PPP1R12A: variants seen among roughly 807,000 people sequenced by gnomAD.
PPP1R12A encodes protein phosphatase 1 regulatory subunit 12A, also known as myosin binding subunit.
Under a neutral mutation model 139.6 loss-of-function variants are expected in PPP1R12A, and 19 were observed. That is an observed-to-expected ratio of 0.14 (90% CI 0.09 to 0.20). The LOEUF (loss-of-function observed/expected upper bound fraction) is 0.20. PPP1R12A is among the 10% of genes least tolerant of loss of function. The pLI is 1.00. For missense variants in PPP1R12A, 925 were observed against 1,211.5 expected (o/e 0.76, Z 3.51); for synonymous variants, 427 against 420.6 (o/e 1.02, Z -0.19).
At chr12:79,826,024 A>C (rs1876713521) in intron 5 of PPP1R12A, among the ~76,000 whole-genome samples, 1 of 152,054 alleles carries the variant, frequency 6.6e-6, no homozygotes, top group South Asian at 2.1e-4. Flanking sequence ...CACTATAAAA[A>C]GCAGTCTTTA....
At chr12:79,856,787 G>C (rs1880708161) in intron 2 of PPP1R12A, among the ~76,000 whole-genome samples, 1 of 152,166 alleles carries the variant, frequency 6.6e-6, no homozygotes, top group African/African-American at 2.4e-5. Flanking sequence ...CATATGACAG[G>C]CATTAACAGG....
At position 79,821,138 on chromosome 12, in the gene PPP1R12A, G is replaced by T. The variant is rs1340622310; in HGVS notation, c.896C>A (p.Ser299Tyr). 1.2e-6 allele frequency: 2 copies of T among 1,613,122 alleles called. No individual in the cohort carries two copies. Among genetic ancestry groups the T allele is most frequent in the East Asian group, 4.5e-5 (2 of 44,796 alleles). Residue 299 changes from serine to tyrosine, a missense_variant, in exon 7 of 25, where the codon TCT becomes TAT. Transcript: ENST00000450142. ...LLHSEKRDKK[S>Y]PLIESTANMD... ...ATTTGCTGTTGATTCAATTAGTGGAGATTTCTTGTCCCGTTTTTCACTATG... is the reference window on the plus strand; with the variant it reads ...ATTTGCTGTTGATTCAATTAGTGGATATTTCTTGTCCCGTTTTTCACTATG...
intron 1 of PPP1R12A, among the ~76,000 whole-genome samples, chr12:79,887,863 GTTAA>G (rs751400704): frequency 6.6e-6 from 1 of 152,064 alleles, no homozygotes; most frequent in Non-Finnish European, 1.5e-5. Flanking sequence ...ACACCAAAGC[GTTAA>G]TTAACACTTT....
chr12:79,922,860 A>T (rs1887547066), intron 1 of PPP1R12A, among the ~76,000 whole-genome samples: 2 of 152,364 alleles, frequency 1.3e-5, no homozygotes, highest in African/African-American at 2.4e-5. Context: ...AAAATTTTTT[A>T]AAAAGTATTT....
chr12:79,916,323 T>G (rs1325013998), intron 1 of PPP1R12A, among the ~76,000 whole-genome samples: 1 of 152,188 alleles, frequency 6.6e-6, no homozygotes, highest in African/African-American at 2.4e-5. Flanking sequence ...AAAATTCACG[T>G]AACTATGGGC....
intron 21 of PPP1R12A, 97 bp downstream of exon 21, chr12:79,788,551 A>G: frequency 8.5e-7 from 1 of 1,172,268 alleles, no homozygotes; most frequent in Non-Finnish European, 1.2e-6. Flanking sequence ...TTATTTCAAA[A>G]TACTCATTTC....
At chr12:79,821,539 G>T (rs1307608458) in intron 6 of PPP1R12A, among the ~76,000 whole-genome samples, 2 of 152,128 alleles carry the variant, frequency 1.3e-5, no homozygotes, top group African/African-American at 4.8e-5. Flanking sequence ...GACTGCCTGA[G>T]CTCAGGAGTT....
chr12:79,857,940 A>C (rs1880877953), intron 2 of PPP1R12A, among the ~76,000 whole-genome samples: 1 of 152,218 alleles, frequency 6.6e-6, no homozygotes, highest in East Asian at 1.9e-4. Context: ...CCAAGTAAGA[A>C]TGTATATGGG....
intron 22 of PPP1R12A, among the ~76,000 whole-genome samples, chr12:79,784,085 A>ACTGCCACTGCTAT: frequency 6.6e-6 from 1 of 152,130 alleles, no homozygotes; most frequent in East Asian, 1.9e-4. Flanking sequence ...AACTATCAAA[A>ACTGCCACTGCTAT]CTGCCACTGC....
chr12:79,811,693 T>C (rs537626024), intron 9 of PPP1R12A, among the ~76,000 whole-genome samples: 175 of 152,328 alleles, frequency 1.1e-3, no homozygotes, highest in African/African-American at 3.2e-3. Context: ...ACACAAATGA[T>C]TGAGTGTGGC....
intron 2 of PPP1R12A, among the ~76,000 whole-genome samples, chr12:79,845,652 C>A (rs953741754): frequency 1.3e-5 from 2 of 152,034 alleles, no homozygotes; most frequent in African/African-American, 4.8e-5. Context: ...CATCCTAACA[C>A]GGTGAAACCC....
intron 22 of PPP1R12A, chr12:79,782,702 T>A: frequency 3.0e-6 from 1 of 331,292 alleles, no homozygotes; most frequent in Middle Eastern, 4.4e-4. Flanking sequence ...TGTACAAACA[T>A]CTCCCTTGGA....
chr12:79,876,743 T>C (rs1187541312), intron 1 of PPP1R12A, among the ~76,000 whole-genome samples: 2 of 152,120 alleles, frequency 1.3e-5, no homozygotes, highest in Non-Finnish European at 1.5e-5. Flanking sequence ...AAAAGCACTA[T>C]ACAGTGTACC....
In PPP1R12A at chr12:79,872,801, G is replaced by A. The variant is rs1292052164; in HGVS notation, c.368+7C>T. The A allele has an allele frequency of 6.2e-6, 10 of 1,612,824 alleles. No individual in the cohort carries two copies. Among genetic ancestry groups the A allele is most frequent in the Non-Finnish European group, 8.5e-6 (10 of 1,179,378 alleles). On this transcript the variant is annotated splice_region_variant and intron_variant, in intron 2 of 24. Coordinates refer to ENST00000450142, the MANE Select transcript of PPP1R12A (RefSeq NM_002480.3). ...TAGAATAAAATGAAAACACAGAACT[G>A]GCTTACTCTGCAATATCAAGATATC...
At chr12:79,781,075 C>T (rs190068183) in intron 23 of PPP1R12A, among the ~76,000 whole-genome samples, 24 of 152,300 alleles carry the variant, frequency 1.6e-4, no homozygotes, top group Admixed American at 2.6e-4. Context: ...CCAAGTCTAG[C>T]TACTGCTCAG....
chr12:79,806,332 A>ATATG lies in PPP1R12A; in HGVS notation c.1656_1657insCATA (p.Cys553HisfsTer6), dbSNP rs1188527945. 3 of 1,612,588 alleles carry ATATG rather than the reference A, an allele frequency of 1.9e-6. No individual in the cohort carries two copies. The highest frequency in any genetic ancestry group is 3.3e-5 in the Admixed American group (2 of 59,974). On this transcript the variant is annotated frameshift_variant and splice_region_variant, in exon 13 of 25. Transcript: ENST00000450142. LOFTEE classifies it high-confidence loss of function. ...TCATCTTGTCTTCTACCAAAGGAGC[A>ATATG]ACTAAACAAAAGAGTCATATCTATA...
At position 79,835,616 on chromosome 12, in the gene PPP1R12A, C is replaced by T. The variant is rs150896631; in HGVS notation, c.488-3125G>A. On this transcript the variant is annotated intron_variant, in intron 3 of 24. Transcript: ENST00000450142. ...CCGTCTTTAGTCCCTTCTAATTCAT[C>T]CCTCAATCTACTGCTGGACTGGAAA... Among the ~76,000 whole-genome samples, 821 of 152,308 alleles carry T rather than the reference C, an allele frequency of 5.4e-3. 3 individuals carry two copies. The highest frequency in any genetic ancestry group is 0.017 in the Middle Eastern group (5 of 294).
At position 79,839,442 on chromosome 12, in the gene PPP1R12A, G is replaced by A. The variant is rs137924457; in HGVS notation, c.487+5860C>T. Among the ~76,000 whole-genome samples the A allele has an allele frequency of 5.8e-3, 880 of 151,786 alleles. 4 individuals are homozygous for A. The highest frequency in any genetic ancestry group is 0.01 in the Middle Eastern group (3 of 286). ...TGATTGTGTTATGAAATGTGAGGAC[G>A]TGAGATTTGGAAGGGGCCAGGAGTG... is the stretch of plus-strand genomic sequence containing the variant. On this transcript the variant is annotated intron_variant, in intron 3 of 24. Coordinates refer to ENST00000450142, the MANE Select transcript of PPP1R12A (RefSeq NM_002480.3).
At position 79,931,024 on chromosome 12, in the gene PPP1R12A, G is replaced by C. The variant is rs193200590; in HGVS notation, c.237+3671C>G. Among the ~76,000 whole-genome samples the C allele has an allele frequency of 5.1e-4, 78 of 152,282 alleles. 1 individual carries two copies. Among genetic ancestry groups the C allele is most frequent in the African/African-American group, 1.9e-3 (77 of 41,558 alleles). On this transcript the variant is annotated intron_variant, in intron 1 of 24. Transcript: ENST00000450142. ...AGACTTGATGAAGAAAGATAGACCT[G>C]TTTTAGGTTGAATTTAAAGAAATTC...
Sources: gnomAD v4.1 joint callset for allele counts (sites outside exome capture counted in the v4.1 genomes callset) on GRCh38, gnomAD v4.1.1 for gene constraint, MANE v1.5 for transcripts, NCBI Gene and HGNC (gene_info 2026-07-23, HGNC 2026-07-21) for gene names.